Variants in LARGE1 observed in about 807,000 individuals in gnomAD.
The protein encoded by LARGE1 is xylosyl- and glucuronyltransferase LARGE1.
In LARGE1, 43 loss-of-function variants were observed where a neutral mutation model predicts 87.6. That is an observed-to-expected ratio of 0.49 (90% confidence interval 0.38 to 0.63). LARGE1 has a LOEUF of 0.63. LARGE1 is among the 30% of genes least tolerant of loss of function. The pLI, the probability that LARGE1 is intolerant of heterozygous loss-of-function variation, is 0.00. For missense variants in LARGE1, 802 were observed against 1,000.2 expected (o/e 0.80, Z 2.67); for synonymous variants, 434 against 394.6 (o/e 1.10, Z -1.18).
At chr22:33,508,512 C>G (rs1270518161) in intron 6 of LARGE1, among the ~76,000 whole-genome samples, 1 of 152,200 alleles carries the variant, frequency 6.6e-6, no homozygotes, top group Non-Finnish European at 1.5e-5. Context: ...TGAAAATTCT[C>G]TTTCCTTGGT....
chr22:33,097,392 A>C, the LARGE1 span, among the ~76,000 whole-genome samples: 1 of 152,322 alleles, frequency 6.6e-6, no homozygotes, highest in Admixed American at 6.5e-5. Flanking sequence ...CCTCTTCACC[A>C]GACAGTTAAT....
At chr22:33,258,450 C>T (rs559430034) in intron 11 of LARGE1, among the ~76,000 whole-genome samples, 71 of 152,168 alleles carry the variant, frequency 4.7e-4, no homozygotes, top group Non-Finnish European at 7.8e-4. Context: ...GTGTTAGATG[C>T]GGAGAAATGG....
intron 9 of LARGE1, among the ~76,000 whole-genome samples, chr22:33,348,289 C>CCCCAAAAA (rs1569081859): frequency 8.1e-6 from 1 of 124,054 alleles, no homozygotes; most frequent in Admixed American, 8.3e-5. Flanking sequence ...CACCCCCCCC[C>CCCCAAAAA]AAAAAAAAAG....
chr22:33,644,081 C>T (rs570575213), intron 3 of LARGE1, among the ~76,000 whole-genome samples: 2 of 152,204 alleles, frequency 1.3e-5, no homozygotes, highest in Admixed American at 6.5e-5. Context: ...ATCACCCTAA[C>T]ACCAAAACCT....
chr22:33,875,139 C>G (rs1241938872), intron 1 of LARGE1, among the ~76,000 whole-genome samples: 2 of 152,186 alleles, frequency 1.3e-5, no homozygotes, highest in Admixed American at 1.3e-4. Flanking sequence ...TTATAAGAAC[C>G]ATTGCCTCCA....
At chr22:33,337,514 C>T (rs1938602806) in intron 10 of LARGE1, 132 bp downstream of exon 10, 2 of 1,038,902 alleles carry the variant, frequency 1.9e-6, no homozygotes, top group Non-Finnish European at 2.9e-6. Flanking sequence ...AGATGGTGGA[C>T]CCTGGGCACC....
At chr22:33,198,081 T>C (rs67165525) in intron 11 of LARGE1, among the ~76,000 whole-genome samples, 34,618 of 152,038 alleles carry the variant, frequency 0.23, 4,143 homozygotes, top group Middle Eastern at 0.35. Flanking sequence ...CAAAAATTAG[T>C]TTGAAGCGGA....
chr22:33,115,543 C>T, the LARGE1 span, among the ~76,000 whole-genome samples: 15 of 151,740 alleles, frequency 9.9e-5, no homozygotes, highest in Admixed American at 6.6e-4. Flanking sequence ...AGAGGCCAGG[C>T]GAGGTGGCTC....
At position 33,920,113 on chromosome 22, in the gene LARGE1, C is replaced by A. The variant is rs1382025461; in HGVS notation, c.-201G>T. The A allele has an allele frequency of 1.3e-5, 2 of 152,266 alleles. No individual in the cohort carries two copies. Among genetic ancestry groups the A allele is most frequent in the East Asian group, 3.9e-4 (2 of 5,106 alleles). The allele number at this position is 152,266 out of a possible 1,614,324, so 9.4% of individuals were successfully genotyped here. On this transcript the variant is annotated 5_prime_UTR_variant, in exon 1 of 15. Coordinates refer to ENST00000397394, the MANE Select transcript of LARGE1 (RefSeq NM_133642.5). ...GGGTCCCGGCAGGCGCTGCCCTACT[C>A]GGAGCGGCGGTGCCAAGCACAGAGT...
rs1444690337 is a variant in LARGE1, at chr22:33,895,877, G to T, written c.-83+24118C>A. On this transcript the variant is annotated intron_variant, in intron 1 of 14. Coordinates refer to ENST00000397394, the MANE Select transcript of LARGE1 (RefSeq NM_133642.5). ...CAGATCAGGAGATGAGGATCATGAG[G>T]GCCAACTTAGAGTCTGCCTGCCAGA... Among the ~76,000 whole-genome samples the T allele has an allele frequency of 2.0e-5, 3 of 152,244 alleles. No individual in the cohort carries two copies. The East Asian group carries it at 5.8e-4, about 29-fold the overall frequency.
the LARGE1 span, among the ~76,000 whole-genome samples, chr22:33,074,824 G>A: frequency 1.3e-5 from 2 of 152,182 alleles, no homozygotes; most frequent in Non-Finnish European, 2.9e-5. Flanking sequence ...CCAGGGGCCT[G>A]GATTACTTTA....
At chr22:33,875,371 T>C (rs918273212) in intron 1 of LARGE1, among the ~76,000 whole-genome samples, 9 of 152,226 alleles carry the variant, frequency 5.9e-5, no homozygotes, top group Non-Finnish European at 1.2e-4. Context: ...CAAATCTCTC[T>C]GTGGCCAGGG....
At chr22:33,853,009 A>G (rs531587939) in intron 1 of LARGE1, among the ~76,000 whole-genome samples, 1 of 152,294 alleles carries the variant, frequency 6.6e-6, no homozygotes, top group Non-Finnish European at 1.5e-5. Flanking sequence ...GCCCTCCGCC[A>G]TATGAAACTG....
intron 11 of LARGE1, among the ~76,000 whole-genome samples, chr22:33,233,328 CAAT>C (rs1926103192): frequency 1.3e-5 from 2 of 152,040 alleles, no homozygotes; most frequent in South Asian, 4.2e-4. Context: ...GATGATGATA[CAAT>C]AATAGCAGGT....
chr22:33,570,069 A>G (rs1028401944), intron 5 of LARGE1, among the ~76,000 whole-genome samples: 2 of 152,160 alleles, frequency 1.3e-5, no homozygotes, highest in African/African-American at 4.8e-5. Flanking sequence ...GGGCTATAGA[A>G]CTGGTTCTAC....
At chr22:33,209,705 GTGTAAT>G (rs1924861749) in intron 11 of LARGE1, among the ~76,000 whole-genome samples, 1 of 152,152 alleles carries the variant, frequency 6.6e-6, no homozygotes, top group South Asian at 2.1e-4. Flanking sequence ...GAGTGCCATG[GTGTAAT>G]CACAGCTCAC....
intron 6 of LARGE1, among the ~76,000 whole-genome samples, chr22:33,462,320 C>T (rs1396453347): frequency 6.6e-6 from 1 of 152,020 alleles, no homozygotes; most frequent in African/African-American, 2.4e-5. Context: ...AAAATAAAGA[C>T]ATTTTTCAGA....
intron 1 of LARGE1, among the ~76,000 whole-genome samples, chr22:33,839,825 C>T (rs1240573435): frequency 6.6e-6 from 1 of 152,204 alleles, no homozygotes; most frequent in Non-Finnish European, 1.5e-5. Context: ...ACTTGCGTCA[C>T]CTCATCTAAC....
chr22:33,304,902 T>C (rs902669108), intron 11 of LARGE1, among the ~76,000 whole-genome samples: 16 of 152,140 alleles, frequency 1.1e-4, no homozygotes, highest in African/African-American at 3.9e-4. Context: ...AGAGAGGACT[T>C]ACACAAACTT....
Sources: allele counts gnomAD v4.1 joint callset (sites outside exome capture counted in the v4.1 genomes callset), GRCh38; gene constraint gnomAD v4.1.1; transcripts MANE v1.5; gene names NCBI Gene and HGNC (gene_info 2026-07-23, HGNC 2026-07-21).